CTNNA2: variants seen among roughly 807,000 people sequenced by gnomAD.
CTNNA2 encodes catenin alpha-2.
In CTNNA2, 42 loss-of-function variants were observed where a neutral mutation model predicts 101.0. That is an observed-to-expected ratio of 0.42 (90% CI 0.32 to 0.54). The LOEUF is 0.54. CTNNA2 is among the 20% of genes least tolerant of loss of function. CTNNA2 has a pLI of 0.14. For missense variants in CTNNA2, 871 were observed against 1,223.1 expected (o/e 0.71, Z 4.29); for synonymous variants, 450 against 456.4 (o/e 0.99, Z 0.18).
intron 7 of CTNNA2, among the ~76,000 whole-genome samples, chr2:80,116,847 G>C (rs1360733190): frequency 6.6e-6 from 1 of 151,072 alleles, no homozygotes; most frequent in Non-Finnish European, 1.5e-5. Flanking sequence ...TACAACTGTG[G>C]AAAGCACTAA....
At chr2:79,681,709 C>T (rs946802304) in intron 2 of CTNNA2, among the ~76,000 whole-genome samples, 1 of 152,204 alleles carries the variant, frequency 6.6e-6, no homozygotes, top group Non-Finnish European at 1.5e-5. Flanking sequence ...TCTGTACCTT[C>T]ATTTTCTACT....
intron 7 of CTNNA2, among the ~76,000 whole-genome samples, chr2:80,096,347 G>T (rs144002894): frequency 6.6e-6 from 1 of 152,206 alleles, no homozygotes; most frequent in South Asian, 2.1e-4. Context: ...GTTCTAGTTT[G>T]ATTGCACTGT....
At chr2:80,413,107 TACTG>T (rs1679733831) in intron 8 of CTNNA2, among the ~76,000 whole-genome samples, 2 of 152,342 alleles carry the variant, frequency 1.3e-5, no homozygotes, top group East Asian at 1.9e-4. Context: ...CTAACTTTTA[TACTG>T]ACTATCAGCA....
intron 7 of CTNNA2, among the ~76,000 whole-genome samples, chr2:80,222,144 T>G (rs1448341978): frequency 2.0e-5 from 3 of 152,128 alleles, no homozygotes; most frequent in Non-Finnish European, 4.4e-5. Context: ...GGAGTCAGGA[T>G]GAAAAGCACT....
At chr2:79,909,425 T>C (rs1388303661) in intron 6 of CTNNA2, among the ~76,000 whole-genome samples, 169 bp from the exon 7 acceptor site, 1 of 152,192 alleles carries the variant, frequency 6.6e-6, no homozygotes, top group Non-Finnish European at 1.5e-5. Context: ...GGACAAAATA[T>C]CTAGAAAAAG....
At chr2:80,405,918 C>T (rs1417124969) in intron 8 of CTNNA2, among the ~76,000 whole-genome samples, 5 of 152,152 alleles carry the variant, frequency 3.3e-5, no homozygotes, top group Non-Finnish European at 7.3e-5. Flanking sequence ...TAGTTTTTCA[C>T]GAATGCATCA....
intron 7 of CTNNA2, among the ~76,000 whole-genome samples, chr2:80,323,396 T>C (rs1468924065): frequency 6.6e-6 from 1 of 152,048 alleles, no homozygotes. Context: ...CTTTTCCTCT[T>C]CTCTCTTTCC....
intron 3 of CTNNA2, among the ~76,000 whole-genome samples, chr2:79,782,424 A>G (rs903627103): frequency 6.6e-6 from 1 of 152,078 alleles, no homozygotes; most frequent in Non-Finnish European, 1.5e-5. Flanking sequence ...TTTAGTAGAT[A>G]CAGGGTTTCA....
At chr2:80,164,994 G>T (rs1704579081) in intron 7 of CTNNA2, among the ~76,000 whole-genome samples, 1 of 144,776 alleles carries the variant, frequency 6.9e-6, no homozygotes, top group Admixed American at 7.0e-5. Flanking sequence ...ATTTTCGGAA[G>T]TGTAAAAGTG....
chr2:79,325,857 T>G (rs776108053), intron 3 of CTNNA2, among the ~76,000 whole-genome samples: 2 of 152,214 alleles, frequency 1.3e-5, no homozygotes, highest in Non-Finnish European at 2.9e-5. Context: ...TGGGGAGGTG[T>G]GTCTCTCTAC....
Position 79,351,670 on chromosome 2 carries a change from T to A in CTNNA2, c.-317-22161T>A, listed in dbSNP as rs6752864. On this transcript the variant is annotated intron_variant, in intron 3 of 21. Transcript: ENST00000466387. ...TATACCCAATATTTAGCTCCTATTCTTGAGAACAGGTGGTATTTGGCTTTC... is the reference window on the plus strand; with the variant it reads ...TATACCCAATATTTAGCTCCTATTCATGAGAACAGGTGGTATTTGGCTTTC... Among the ~76,000 whole-genome samples, 91 of 151,898 alleles carry A rather than the reference T, an allele frequency of 6.0e-4. 2 individuals carry two copies. The highest frequency in any genetic ancestry group is 8.5e-4 in the Admixed American group (13 of 15,238).
chr2:80,476,875 T>C (rs1685771244), intron 9 of CTNNA2, among the ~76,000 whole-genome samples: 1 of 152,140 alleles, frequency 6.6e-6, no homozygotes, highest in African/African-American at 2.4e-5. Context: ...AAGAAGAAAA[T>C]TGCTTGATAG....
At chr2:80,105,075 C>A (rs1367857148) in intron 7 of CTNNA2, among the ~76,000 whole-genome samples, 1 of 152,154 alleles carries the variant, frequency 6.6e-6, no homozygotes, top group Non-Finnish European at 1.5e-5. Context: ...GAAAGGAAAG[C>A]AATTGTAATG....
chr2:80,413,124 C>A (rs1416694365), intron 8 of CTNNA2, among the ~76,000 whole-genome samples: 1 of 152,094 alleles, frequency 6.6e-6, no homozygotes, highest in Admixed American at 6.5e-5. Context: ...TATCAGCACT[C>A]ACAGAGAAAA....
At chr2:79,287,209 C>T (rs973844641) in intron 2 of CTNNA2, among the ~76,000 whole-genome samples, 5 of 152,132 alleles carry the variant, frequency 3.3e-5, no homozygotes, top group African/African-American at 4.8e-5. Context: ...AATGTCCTCC[C>T]GTAGCTCGGA....
At chr2:80,100,843 G>A (rs1700498708) in intron 7 of CTNNA2, among the ~76,000 whole-genome samples, 1 of 152,208 alleles carries the variant, frequency 6.6e-6, no homozygotes, top group South Asian at 2.1e-4. Context: ...TCCACCTCCA[G>A]CTTTGGAGAA....
At chr2:79,798,560 C>CT (rs34542700) in intron 3 of CTNNA2, among the ~76,000 whole-genome samples, 11,411 of 123,572 alleles carry the variant, frequency 0.092, 935 homozygotes, top group African/African-American at 0.22. Flanking sequence ...TATAATAAGA[C>CT]TTTTTTTTTT....
chr2:79,785,215 CT>C (rs1338032840), intron 3 of CTNNA2, among the ~76,000 whole-genome samples: 5 of 152,144 alleles, frequency 3.3e-5, no homozygotes, highest in African/African-American at 1.2e-4. Flanking sequence ...GGCTCTCCAT[CT>C]TTTGCAAGGT....
At chr2:80,106,279 A>G (rs1352956683) in intron 7 of CTNNA2, among the ~76,000 whole-genome samples, 1 of 152,036 alleles carries the variant, frequency 6.6e-6, no homozygotes, top group Non-Finnish European at 1.5e-5. Context: ...TTCATCTCCA[A>G]CTCAGGCATC....
Sources: gnomAD v4.1 joint callset for allele counts (sites outside exome capture counted in the v4.1 genomes callset) on GRCh38, gnomAD v4.1.1 for gene constraint, MANE v1.5 for transcripts, NCBI Gene and HGNC (gene_info 2026-07-23, HGNC 2026-07-21) for gene names.